Variants in DIS3L2 observed in about 807,000 individuals in gnomAD.
DIS3L2 encodes the protein DIS3-like exonuclease 2.
Under a neutral mutation model 97.5 loss-of-function variants are expected in DIS3L2, and 34 were observed. That is an observed-to-expected ratio of 0.35 (90% CI 0.27 to 0.46). The LOEUF is 0.46. Among genes scored for constraint, DIS3L2 ranks in the 20% least tolerant of loss-of-function variants. The pLI, the probability that DIS3L2 is intolerant of heterozygous loss-of-function variation, is 1.00. For synonymous variants in DIS3L2, 435 were observed against 445.2 expected (o/e 0.98, Z 0.29); for missense variants, 1,038 against 1,146.0 (o/e 0.91, Z 1.36).
rs776251667 is a variant in DIS3L2 at position 232,293,885 on chromosome 2, A to G, written c.1660-6155A>G. Among the ~76,000 whole-genome samples, 4 of 152,244 alleles carry G rather than the reference A, an allele frequency of 2.6e-5. No individual in the cohort carries two copies. The highest frequency in any genetic ancestry group is 4.8e-5 in the African/African-American group (2 of 41,452). ...GTTCTAGAGAGCGGATTAGGAGAAC[A>G]TAGCCAAGGGAGTAGGAAGATACAT... On this transcript the variant is annotated intron_variant, in intron 13 of 20. Transcript: ENST00000325385. This position sits in a 1 kb window ranked among gnomAD's most constrained non-coding sequence, Gnocchi z 4.6.
chr2:232,014,135 A>G (rs1373467358), intron 1 of DIS3L2, among the ~76,000 whole-genome samples: 1 of 152,256 alleles, frequency 6.6e-6, no homozygotes, highest in Non-Finnish European at 1.5e-5. Flanking sequence ...GCCAGGGGCC[A>G]GCTGCAGGGC....
intron 13 of DIS3L2, chr2:232,343,260 G>A (rs777042859): frequency 9.3e-6 from 11 of 1,179,520 alleles, no homozygotes; most frequent in South Asian, 7.5e-5. Context: ...CGCAGGCTGA[G>A]TAGGCTCACC....
At chr2:232,181,539 C>T (rs888724716) in intron 9 of DIS3L2, among the ~76,000 whole-genome samples, 2 of 152,130 alleles carry the variant, frequency 1.3e-5, no homozygotes, top group African/African-American at 4.8e-5. Flanking sequence ...CTCTAAACTT[C>T]CCTTCTCGCT....
intron 8 of DIS3L2, among the ~76,000 whole-genome samples, chr2:232,139,613 A>G (rs1394072113): frequency 6.6e-6 from 1 of 152,210 alleles, no homozygotes; most frequent in Non-Finnish European, 1.5e-5. Flanking sequence ...TTCTACCTAC[A>G]GTACAAAACA....
intron 16 of DIS3L2, among the ~76,000 whole-genome samples, chr2:232,333,136 TCCTCCTTCC>T (rs1695799352): frequency 6.8e-6 from 1 of 147,224 alleles, no homozygotes; most frequent in Non-Finnish European, 1.5e-5. Flanking sequence ...CACCACCACC[TCCTCCTTCC>T]ACCACCTCCT....
intron 5 of DIS3L2, among the ~76,000 whole-genome samples, chr2:232,084,368 A>G (rs951629324): frequency 1.3e-5 from 2 of 152,202 alleles, no homozygotes; most frequent in African/African-American, 2.4e-5. Flanking sequence ...GAATATTTAC[A>G]TTATACCAGT....
chr2:231,979,233 TTTTA>T (rs1409855078), intron 1 of DIS3L2, among the ~76,000 whole-genome samples: 31 of 151,808 alleles, frequency 2.0e-4, no homozygotes, highest in Non-Finnish European at 4.3e-4. Context: ...CTACAGTTTA[TTTTA>T]TTTATTTATT....
intron 6 of DIS3L2, among the ~76,000 whole-genome samples, chr2:232,112,077 A>C (rs1368422461): frequency 1.3e-5 from 2 of 152,194 alleles, no homozygotes; most frequent in Non-Finnish European, 1.5e-5. Flanking sequence ...ATACAAAGGC[A>C]CTGATAGACT....
chr2:232,078,613 TCTA>T (rs1335518832), intron 5 of DIS3L2, among the ~76,000 whole-genome samples: 1 of 152,252 alleles, frequency 6.6e-6, no homozygotes, highest in Non-Finnish European at 1.5e-5. Flanking sequence ...ATCTTGATAA[TCTA>T]CTATGTGCAT....
intron 6 of DIS3L2, among the ~76,000 whole-genome samples, chr2:232,109,468 A>T (rs575054743): frequency 1.8e-4 from 28 of 152,190 alleles, no homozygotes; most frequent in East Asian, 5.8e-4. Context: ...TAAATAAAAA[A>T]AAATAAAAAT....
intron 6 of DIS3L2, among the ~76,000 whole-genome samples, chr2:232,093,294 T>C (rs1220844154): frequency 6.6e-6 from 1 of 152,178 alleles, no homozygotes; most frequent in East Asian, 1.9e-4. Flanking sequence ...TATTTGCTAG[T>C]ATTTTGTTGA....
chr2:232,067,271 T>TA (rs377475411), intron 5 of DIS3L2, among the ~76,000 whole-genome samples: 3 of 152,224 alleles, frequency 2.0e-5, no homozygotes, highest in African/African-American at 7.2e-5. Flanking sequence ...TAGAAGCACT[T>TA]AGAGCTATAT....
At chr2:231,966,416 C>T (rs1041727190) in intron 1 of DIS3L2, among the ~76,000 whole-genome samples, 9 of 151,648 alleles carry the variant, frequency 5.9e-5, no homozygotes, top group Non-Finnish European at 1.0e-4. Context: ...GCAATCCACC[C>T]GCCTTGCCCT....
intron 16 of DIS3L2, 77 bp from the exon 17 acceptor site, chr2:232,333,763 C>CAG: frequency 5.5e-6 from 8 of 1,448,160 alleles, no homozygotes; most frequent in Middle Eastern, 1.9e-4. Context: ...GACGGTGAGG[C>CAG]TGTGGGTGGT....
intron 9 of DIS3L2, among the ~76,000 whole-genome samples, chr2:232,170,267 T>C (rs980880643): frequency 4.6e-4 from 70 of 152,338 alleles, no homozygotes; most frequent in African/African-American, 1.5e-3. Context: ...TTGTTTCCTT[T>C]GTTGCTAAAC....
Position 232,015,681 on chromosome 2 carries a change from A to G in DIS3L2, c.210+10A>G, listed in dbSNP as rs201117797. The G allele has an allele frequency of 5.6e-5, 90 of 1,612,974 alleles. No homozygotes were observed. Among genetic ancestry groups the G allele is most frequent in the Admixed American group, 3.3e-5 (2 of 59,926 alleles). ...AGGAACACTCATCCAGGTGCTTAAA[A>G]TCTACTGGAAGGCTATTCTCTGAAT... On this transcript the variant is annotated intron_variant, in intron 3 of 20. Transcript: ENST00000325385.
chr2:232,238,791 G>A (rs1288469927), intron 11 of DIS3L2, 146 bp downstream of exon 11: 12 of 677,180 alleles, frequency 1.8e-5, no homozygotes, highest in Non-Finnish European at 3.0e-5. Flanking sequence ...TCATCCCAGA[G>A]TGGCCCTGCT....
intron 14 of DIS3L2, among the ~76,000 whole-genome samples, chr2:232,315,703 T>C (rs1172117042): frequency 6.6e-6 from 1 of 152,242 alleles, no homozygotes; most frequent in Admixed American, 6.5e-5. Flanking sequence ...CTGTCTGTTC[T>C]GCGGATGCTT....
intron 14 of DIS3L2, among the ~76,000 whole-genome samples, chr2:232,318,631 G>T (rs972956132): frequency 6.6e-6 from 1 of 152,214 alleles, no homozygotes; most frequent in African/African-American, 2.4e-5. Context: ...GCGGCAGGGT[G>T]CTGGGTGCTG....
Sources: allele counts gnomAD v4.1 joint callset (sites outside exome capture counted in the v4.1 genomes callset), GRCh38; gene constraint gnomAD v4.1.1; non-coding constraint Gnocchi (gnomAD v3.1); transcripts MANE v1.5; gene names NCBI Gene and HGNC (gene_info 2026-07-23, HGNC 2026-07-21).